The following CEP112 variants were observed in gnomAD, a reference collection of about 807,000 sequenced individuals.
CEP112 encodes the protein centrosomal protein of 112 kDa.
CEP112 carries 127 observed loss-of-function variants against 153.0 expected under a neutral mutation model. That is an observed-to-expected ratio of 0.83 (90% CI 0.72 to 0.96). The LOEUF is 0.96. Ranked by LOEUF, CEP112 falls within the 40% of genes least tolerant of loss-of-function variation. CEP112 has a pLI of 0.00. For missense variants in CEP112, 1,089 were observed against 1,101.2 expected, an observed-to-expected ratio of 0.99 and a Z score of 0.16; for synonymous variants, 358 against 374.4, an observed-to-expected ratio of 0.96 and a Z score of 0.51.
At chr17:65,972,668 A>G (rs2062885751) in intron 17 of CEP112, among the ~76,000 whole-genome samples, 2 of 152,266 alleles carry the variant, frequency 1.3e-5, no homozygotes, top group Admixed American at 6.5e-5. Context: ...AATACAAATT[A>G]TCAATATTAC....
intron 21 of CEP112, among the ~76,000 whole-genome samples, chr17:65,768,890 C>G (rs149604936): frequency 7.3e-4 from 111 of 152,196 alleles, no homozygotes; most frequent in Non-Finnish European, 1.1e-3. Flanking sequence ...AGGATGCCAA[C>G]TCTTAGCACT....
intron 21 of CEP112, among the ~76,000 whole-genome samples, chr17:65,791,922 C>A (rs573975631): frequency 6.6e-6 from 1 of 152,172 alleles, no homozygotes; most frequent in Non-Finnish European, 1.5e-5. Flanking sequence ...CAACTCTCAG[C>A]ATGTAATTAT....
intron 20 of CEP112, among the ~76,000 whole-genome samples, chr17:65,893,187 C>T (rs1400982771): frequency 6.6e-6 from 1 of 152,050 alleles, no homozygotes; most frequent in Non-Finnish European, 1.5e-5. Flanking sequence ...CTCCTCGAGA[C>T]TAGTGCAGCA....
At chr17:65,684,720 G>A (rs911549857) in intron 24 of CEP112, among the ~76,000 whole-genome samples, 2 of 152,098 alleles carry the variant, frequency 1.3e-5, no homozygotes, top group African/African-American at 2.4e-5. Flanking sequence ...TCCATTTTAC[G>A]CAGTGTTTAA....
chr17:65,702,729 G>C (rs1433569851), intron 23 of CEP112, among the ~76,000 whole-genome samples: 1 of 152,160 alleles, frequency 6.6e-6, no homozygotes, highest in African/African-American at 2.4e-5. Context: ...TGGACTCACA[G>C]TTCCACATGG....
intron 20 of CEP112, 74 bp from the exon 21 acceptor site, chr17:65,852,108 A>T: frequency 1.1e-6 from 1 of 939,320 alleles, no homozygotes; most frequent in Non-Finnish European, 1.6e-6. Flanking sequence ...AATGGGCAAA[A>T]GGCCAATAAA....
intron 12 of CEP112, among the ~76,000 whole-genome samples, chr17:66,048,907 C>A (rs146739272): frequency 6.6e-6 from 1 of 152,096 alleles, no homozygotes; most frequent in East Asian, 1.9e-4. Context: ...CCACGCCAGG[C>A]CAAAAAAGCA....
chr17:65,850,286 G>A (rs763937566), intron 21 of CEP112, among the ~76,000 whole-genome samples: 2 of 151,572 alleles, frequency 1.3e-5, no homozygotes, highest in Admixed American at 1.3e-4. Context: ...AACATGTCCC[G>A]AGAGGCCCAA....
intron 22 of CEP112, among the ~76,000 whole-genome samples, chr17:65,745,180 CA>C (rs1039055871): frequency 6.6e-6 from 1 of 152,132 alleles, no homozygotes; most frequent in Non-Finnish European, 1.5e-5. Context: ...CAAAGTTTGA[CA>C]CTTGGAATTT....
chr17:65,861,237 T>C (rs2058301639), intron 20 of CEP112, among the ~76,000 whole-genome samples: 1 of 152,196 alleles, frequency 6.6e-6, no homozygotes, highest in South Asian at 2.1e-4. Flanking sequence ...GTGAATTGTA[T>C]GGAATGGCAA....
intron 23 of CEP112, among the ~76,000 whole-genome samples, chr17:65,700,426 A>T (rs2048573502): frequency 6.6e-6 from 1 of 152,198 alleles, no homozygotes; most frequent in Non-Finnish European, 1.5e-5. Flanking sequence ...AAGTTTAGAC[A>T]GTGAGAACTT....
intron 23 of CEP112, among the ~76,000 whole-genome samples, chr17:65,720,284 T>A (rs916825523): frequency 6.6e-6 from 1 of 152,222 alleles, no homozygotes; most frequent in Non-Finnish European, 1.5e-5. Context: ...GAACACACTA[T>A]GATCTAAAAG....
intron 20 of CEP112, among the ~76,000 whole-genome samples, chr17:65,895,897 C>T (rs1345316375): frequency 6.6e-6 from 1 of 151,910 alleles, no homozygotes; most frequent in Non-Finnish European, 1.5e-5. Flanking sequence ...TCCCTTGCAA[C>T]CCTCCCAGTT....
At chr17:66,041,339 A>C (rs1366214356) in intron 12 of CEP112, among the ~76,000 whole-genome samples, 1 of 122,502 alleles carries the variant, frequency 8.2e-6, no homozygotes, top group African/African-American at 2.6e-5. Flanking sequence ...TTAAATGTTA[A>C]TTTATTAAAA....
intron 23 of CEP112, among the ~76,000 whole-genome samples, chr17:65,739,214 C>T (rs2050978494): frequency 6.6e-6 from 1 of 152,210 alleles, no homozygotes; most frequent in Non-Finnish European, 1.5e-5. Flanking sequence ...GCCAATGCCA[C>T]ACATTGAGCA....
At chr17:66,030,245 C>A (rs1012166995) in intron 12 of CEP112, among the ~76,000 whole-genome samples, 1 of 152,114 alleles carries the variant, frequency 6.6e-6, no homozygotes, top group African/African-American at 2.4e-5. Context: ...ATACTTTTAG[C>A]CTTTTGTTCA....
intron 1 of CEP112, among the ~76,000 whole-genome samples, chr17:66,186,024 TTCTC>T (rs550194871): frequency 1.6e-4 from 24 of 146,094 alleles, no homozygotes; most frequent in South Asian, 4.4e-4. Flanking sequence ...ATCTCTCTCA[TTCTC>T]TCTCTCTCTC....
chr17:65,872,757 G>A (rs1196417315), intron 20 of CEP112, among the ~76,000 whole-genome samples: 1 of 152,134 alleles, frequency 6.6e-6, no homozygotes, highest in African/African-American at 2.4e-5. Context: ...TTTTTTCACT[G>A]AAAACTAATA....
At chr17:65,873,538 C>T (rs1160178782) in intron 20 of CEP112, 3 of 152,074 alleles carry the variant, frequency 2.0e-5, no homozygotes, top group Non-Finnish European at 4.4e-5. Flanking sequence ...CTCCCTTTGC[C>T]ACCCCCTGCA....
Sources: allele counts gnomAD v4.1 joint callset (sites outside exome capture counted in the v4.1 genomes callset), GRCh38; gene constraint gnomAD v4.1.1; transcripts MANE v1.5; gene names NCBI Gene and HGNC (gene_info 2026-07-23, HGNC 2026-07-21).